The following NRG1 variants were observed in gnomAD, a reference collection of about 807,000 sequenced individuals.
NRG1 encodes neuregulin 1, also known as pro-neuregulin-1, membrane-bound isoform.
NRG1 carries 18 observed loss-of-function variants against 63.8 expected under a neutral mutation model. That is an observed-to-expected ratio of 0.28 (90% CI 0.19 to 0.42). The LOEUF is 0.42. Ranked by LOEUF, NRG1 falls within the 10% of genes least tolerant of loss-of-function variation. The pLI is 1.00. For synonymous variants in NRG1, 302 were observed against 301.3 expected (o/e 1.00, Z -0.02); for missense variants, 762 against 814.7 (o/e 0.94, Z 0.79).
Position 32,492,751 on chromosome 8 carries a change from A to G in NRG1, c.38-103077A>G, listed in dbSNP as rs568651286. 1.2e-4 allele frequency among the ~76,000 whole-genome samples: 18 copies of G among 152,158 alleles called. No individual in the cohort carries two copies. The South Asian group carries it at 3.3e-3, about 28-fold the overall frequency. ...TTTCCATTGATTGGAAACCTTTAGTATTCTTTGTACTCTCACAGTCCTAGT... is the reference window on the plus strand; with the variant it reads ...TTTCCATTGATTGGAAACCTTTAGTGTTCTTTGTACTCTCACAGTCCTAGT... On this transcript the variant is annotated intron_variant, in intron 1 of 10. Transcript: ENST00000519301.
chr8:32,336,962 G>A (rs1803350250), intron 1 of NRG1, among the ~76,000 whole-genome samples: 1 of 152,072 alleles, frequency 6.6e-6, no homozygotes, highest in African/African-American at 2.4e-5. Flanking sequence ...AGGGATTTCA[G>A]CAAGGAGATT....
intron 1 of NRG1, among the ~76,000 whole-genome samples, chr8:32,147,591 T>C (rs1291488501): frequency 6.6e-6 from 1 of 152,216 alleles, no homozygotes; most frequent in Non-Finnish European, 1.5e-5. Context: ...CCCTATCCCC[T>C]AATTTTCATC....
At chr8:32,344,011 G>A (rs980082222) in intron 1 of NRG1, among the ~76,000 whole-genome samples, 1 of 152,218 alleles carries the variant, frequency 6.6e-6, no homozygotes, top group African/African-American at 2.4e-5. Flanking sequence ...TCAAGCTCAG[G>A]TGTGACCTTC....
chr8:31,957,575 C>T (rs1804661669), intron 1 of NRG1, among the ~76,000 whole-genome samples: 1 of 148,890 alleles, frequency 6.7e-6, no homozygotes, highest in African/African-American at 2.6e-5. Flanking sequence ...TAATTTCATC[C>T]AAAACTATCA....
At chr8:32,067,093 G>A (rs1824960633) in intron 1 of NRG1, among the ~76,000 whole-genome samples, 1 of 152,158 alleles carries the variant, frequency 6.6e-6, no homozygotes, top group Non-Finnish European at 1.5e-5. Flanking sequence ...TTTGGGCTGA[G>A]ACGATGGGGT....
chr8:31,948,042 G>C (rs9649887), intron 1 of NRG1, among the ~76,000 whole-genome samples: 116,327 of 151,194 alleles, frequency 0.77, 46,777 homozygotes, highest in Non-Finnish European at 0.9. Context: ...TATTTATAAA[G>C]GTGTAGAAGA....
chr8:32,324,927 C>A (rs1396930620), intron 1 of NRG1, among the ~76,000 whole-genome samples: 1 of 152,100 alleles, frequency 6.6e-6, no homozygotes, highest in Non-Finnish European at 1.5e-5. Context: ...TTAATGTCAA[C>A]TGTAAAGTGA....
chr8:32,415,602 A>G (rs1337090370), intron 1 of NRG1, among the ~76,000 whole-genome samples: 1 of 152,170 alleles, frequency 6.6e-6, no homozygotes, highest in Non-Finnish European at 1.5e-5. Context: ...GGAAAACAGT[A>G]ATTTTTGAGC....
chr8:32,033,897 A>G (rs1027861120), intron 1 of NRG1, among the ~76,000 whole-genome samples: 2 of 152,138 alleles, frequency 1.3e-5, no homozygotes, highest in Non-Finnish European at 2.9e-5. Flanking sequence ...TCTACAGACA[A>G]AGACAATTTG....
chr8:31,945,144 A>C (rs1802347947), intron 1 of NRG1, among the ~76,000 whole-genome samples: 1 of 152,136 alleles, frequency 6.6e-6, no homozygotes, highest in Non-Finnish European at 1.5e-5. Context: ...ACTCTGAGTA[A>C]TATTTGAACA....
At chr8:31,871,427 C>T (rs1434244527) in intron 1 of NRG1, among the ~76,000 whole-genome samples, 1 of 152,032 alleles carries the variant, frequency 6.6e-6, no homozygotes, top group Non-Finnish European at 1.5e-5. Context: ...CCCTTAGTCT[C>T]GCTTTCCCAC....
At chr8:31,783,045 C>T (rs1481597022) in intron 1 of NRG1, among the ~76,000 whole-genome samples, 1 of 152,092 alleles carries the variant, frequency 6.6e-6, no homozygotes, top group Non-Finnish European at 1.5e-5. Flanking sequence ...CATTGCAGAG[C>T]TTTCAACTGT....
At chr8:32,386,161 G>A (rs756560740) in intron 1 of NRG1, among the ~76,000 whole-genome samples, 8 of 152,136 alleles carry the variant, frequency 5.3e-5, no homozygotes, top group Non-Finnish European at 1.0e-4. Context: ...GAATGCCGTG[G>A]TGCAGTCATG....
intron 1 of NRG1, among the ~76,000 whole-genome samples, chr8:31,962,180 C>G (rs1805569275): frequency 6.6e-6 from 1 of 152,154 alleles, no homozygotes; most frequent in Admixed American, 6.5e-5. Context: ...AAACCGCAGT[C>G]TCCTCCAATA....
At chr8:32,282,871 T>C (rs956106186) in intron 1 of NRG1, among the ~76,000 whole-genome samples, 2 of 152,194 alleles carry the variant, frequency 1.3e-5, no homozygotes, top group African/African-American at 4.8e-5. Flanking sequence ...TCCATTGTTT[T>C]AGAAAAGGGG....
intron 1 of NRG1, among the ~76,000 whole-genome samples, chr8:32,442,971 C>G (rs1467567122): frequency 6.6e-6 from 1 of 151,888 alleles, no homozygotes; most frequent in East Asian, 1.9e-4. Context: ...GCTCTATCAC[C>G]CAGGCTGGAG....
chr8:32,418,581 C>T (rs973153957), intron 1 of NRG1, among the ~76,000 whole-genome samples: 2 of 151,866 alleles, frequency 1.3e-5, no homozygotes, highest in African/African-American at 2.4e-5. Flanking sequence ...TGTCTATTGG[C>T]GTTCGTATCA....
At chr8:32,528,393 G>T (rs1302731877) in intron 1 of NRG1, among the ~76,000 whole-genome samples, 2 of 152,196 alleles carry the variant, frequency 1.3e-5, no homozygotes, top group African/African-American at 4.8e-5. Context: ...TGCACCAGTT[G>T]TTGGACAGGA....
intron 1 of NRG1, among the ~76,000 whole-genome samples, chr8:32,350,945 T>C (rs1489247881): frequency 1.3e-5 from 2 of 152,196 alleles, no homozygotes; most frequent in East Asian, 3.9e-4. Flanking sequence ...TCAATATTTA[T>C]CTAATCAGTG....
Sources: gnomAD v4.1 joint callset for allele counts (sites outside exome capture counted in the v4.1 genomes callset) on GRCh38, gnomAD v4.1.1 for gene constraint, MANE v1.5 for transcripts, NCBI Gene and HGNC (gene_info 2026-07-23, HGNC 2026-07-21) for gene names.